Variants in HDAC9 observed in about 807,000 individuals in gnomAD.
HDAC9 encodes MEF-2 interacting transcription repressor (MITR) protein.
Under a neutral mutation model 139.4 loss-of-function variants are expected in HDAC9, and 41 were observed. That is an observed-to-expected ratio of 0.29 (90% CI 0.23 to 0.38). The LOEUF (loss-of-function observed/expected upper bound fraction) is 0.38. HDAC9 is among the 10% of genes least tolerant of loss of function. HDAC9 has a pLI of 1.00. For synonymous variants in HDAC9, 517 were observed against 476.2 expected, an observed-to-expected ratio of 1.09 and a Z score of -1.12; for missense variants, 1,147 against 1,297.0, an observed-to-expected ratio of 0.88 and a Z score of 1.78.
In HDAC9 at chr7:18,996,170, A is replaced by G. The variant is rs564078288; in HGVS notation, c.*108A>G. On this transcript the variant is annotated 3_prime_UTR_variant, in exon 26 of 26. Transcript: ENST00000686413. ...CTGCTGCCTGGGTGGCACAGATTCA[A>G]TGGAACATAAACACTGGGCACAAAA... 2.0e-5 allele frequency: 15 copies of G among 765,564 alleles called. No homozygotes were observed. The highest frequency in any genetic ancestry group is 1.4e-4 in the African/African-American group (8 of 57,238). 47.4% of individuals were successfully genotyped at this position (765,564 alleles called of 1,614,324 possible).
chr7:18,343,839 A>G (rs1782197861), intron 1 of HDAC9, among the ~76,000 whole-genome samples: 1 of 151,842 alleles, frequency 6.6e-6, no homozygotes, highest in Non-Finnish European at 1.5e-5. Context: ...TAACAAAAAG[A>G]ATCATAGTAT....
chr7:18,093,472 G>T (rs187214769), intron 1 of HDAC9, among the ~76,000 whole-genome samples: 2 of 152,304 alleles, frequency 1.3e-5, no homozygotes, highest in East Asian at 3.9e-4. Context: ...TTAAAGAGAG[G>T]AGTGAGAGAG....
intron 16 of HDAC9, among the ~76,000 whole-genome samples, chr7:18,792,843 G>C (rs1325926735): frequency 6.6e-6 from 1 of 152,174 alleles, no homozygotes; most frequent in Non-Finnish European, 1.5e-5. Context: ...CTCCCTGACT[G>C]CTGCTGCTAC....
intron 25 of HDAC9, among the ~76,000 whole-genome samples, chr7:18,976,888 C>G (rs535741350): frequency 2.0e-5 from 3 of 152,160 alleles, no homozygotes; most frequent in South Asian, 2.1e-4. Context: ...TCAATAACAT[C>G]ACCATTAATT....
intron 22 of HDAC9, among the ~76,000 whole-genome samples, chr7:18,894,878 C>T (rs899688424): frequency 9.9e-5 from 15 of 151,992 alleles, no homozygotes; most frequent in African/African-American, 3.6e-4. Flanking sequence ...AGAATTTATC[C>T]ACAGGAGCAG....
chr7:18,166,194 A>G (rs1788003175), intron 2 of HDAC9, among the ~76,000 whole-genome samples: 1 of 152,200 alleles, frequency 6.6e-6, no homozygotes, highest in African/African-American at 2.4e-5. Context: ...GAATTGTGCA[A>G]TGCTCTGGCC....
chr7:18,875,456 G>C (rs1428554532), intron 22 of HDAC9, among the ~76,000 whole-genome samples: 1 of 152,126 alleles, frequency 6.6e-6, no homozygotes, highest in African/African-American at 2.4e-5. Flanking sequence ...GAGCAAATGT[G>C]CTGTATTAAT....
At chr7:18,615,400 C>T (rs1838297501) in intron 6 of HDAC9, among the ~76,000 whole-genome samples, 1 of 152,038 alleles carries the variant, frequency 6.6e-6, no homozygotes. Flanking sequence ...TACTCCCATT[C>T]AAGTTTTGGA....
chr7:18,668,370 G>A lies in HDAC9; in HGVS notation c.1731+1894G>A, dbSNP rs574767364. On this transcript the variant is annotated intron_variant, in intron 12 of 25. Transcript: ENST00000686413. Reference sequence around the variant, plus strand: ...AATATGGCATGCCTAAGATAAAATTGTATATTTTTTCCATCTCATAAATAT... The same window carrying A: ...AATATGGCATGCCTAAGATAAAATTATATATTTTTTCCATCTCATAAATAT... 2.1e-4 allele frequency: 197 copies of A among 933,338 alleles called. No individual in the cohort carries two copies. In the African/African-American group the frequency reaches 3.2e-3, roughly 15 times the overall value. 57.8% of individuals were successfully genotyped at this position (933,338 alleles called of 1,614,324 possible).
At chr7:18,456,073 T>G (rs1361904586) in intron 1 of HDAC9, among the ~76,000 whole-genome samples, 1 of 152,210 alleles carries the variant, frequency 6.6e-6, no homozygotes, top group Non-Finnish European at 1.5e-5. Flanking sequence ...AATGACATAT[T>G]ACATAAATAG....
intron 2 of HDAC9, among the ~76,000 whole-genome samples, chr7:18,190,307 A>G (rs1221649378): frequency 6.6e-6 from 1 of 152,210 alleles, no homozygotes; most frequent in Non-Finnish European, 1.5e-5. Flanking sequence ...ATAGATACAT[A>G]TACATATATA....
intron 1 of HDAC9, among the ~76,000 whole-genome samples, chr7:18,403,988 T>C (rs1459492909): frequency 6.6e-6 from 1 of 152,082 alleles, no homozygotes. Context: ...CGAGACCTTG[T>C]AGGCAGCAGA....
intron 17 of HDAC9, among the ~76,000 whole-genome samples, chr7:18,828,915 C>T (rs761052441): frequency 3.9e-5 from 6 of 152,226 alleles, no homozygotes; most frequent in Non-Finnish European, 8.8e-5. Context: ...TGCACCTCCC[C>T]AAATCCTGCC....
At position 18,424,030 on chromosome 7, in the gene HDAC9, A is replaced by G. The variant is rs569018683; in HGVS notation, c.-41-72232A>G. On this transcript the variant is annotated intron_variant, in intron 1 of 3. Transcript: ENST00000413509. ...TTAATTATGAAGGTAGTTTTGATAC[A>G]TATCACCTATAAATATGCAGTAATT... Among the ~76,000 whole-genome samples, 8 of 152,330 alleles carry G rather than the reference A, an allele frequency of 5.3e-5. No individual in the cohort carries two copies. In the East Asian group the frequency reaches 7.7e-4, roughly 15 times the overall value.
At chr7:18,668,981 A>C (rs572336809) in intron 12 of HDAC9, 7 of 686,510 alleles carry the variant, frequency 1.0e-5, no homozygotes, top group Non-Finnish European at 1.1e-5. Flanking sequence ...GAGCAGTTAC[A>C]TCTAATACCA....
intron 2 of HDAC9, among the ~76,000 whole-genome samples, chr7:18,552,254 A>G (rs1028058980): frequency 6.6e-6 from 1 of 152,200 alleles, no homozygotes; most frequent in African/African-American, 2.4e-5. Context: ...GCAAATTATG[A>G]TCTTGAAAAA....
intron 22 of HDAC9, among the ~76,000 whole-genome samples, chr7:18,903,418 T>A (rs1801913332): frequency 6.6e-6 from 1 of 152,214 alleles, no homozygotes; most frequent in Non-Finnish European, 1.5e-5. Context: ...TAATCCATTT[T>A]CATCTTTTTT....
At chr7:18,481,123 C>G (rs1419790231) in intron 1 of HDAC9, among the ~76,000 whole-genome samples, 1 of 152,062 alleles carries the variant, frequency 6.6e-6, no homozygotes, top group Admixed American at 6.5e-5. Context: ...CCAAGCTGAG[C>G]TGCTGGTTTT....
chr7:18,827,335 T>A (rs1296700283), intron 17 of HDAC9, among the ~76,000 whole-genome samples: 1 of 152,114 alleles, frequency 6.6e-6, no homozygotes, highest in Non-Finnish European at 1.5e-5. Flanking sequence ...TGTACATAGT[T>A]AATGGCACCC....
Sources: allele counts gnomAD v4.1 joint callset (sites outside exome capture counted in the v4.1 genomes callset), GRCh38; gene constraint gnomAD v4.1.1; transcripts MANE v1.5; gene names NCBI Gene and HGNC (gene_info 2026-07-23, HGNC 2026-07-21).